Variants in ENC1 observed in about 807,000 individuals in gnomAD.
ENC1 encodes ectodermal-neural cortex 1.
In ENC1, 19 loss-of-function variants were observed where a neutral mutation model predicts 40.9. The ratio of observed to expected loss-of-function variants is 0.46; its 90% CI spans 0.32 to 0.68. The LOEUF (loss-of-function observed/expected upper bound fraction) is 0.68, where lower values mean the gene tolerates loss of function less well. ENC1 is among the 30% of genes least tolerant of loss of function. The probability of loss-of-function intolerance (pLI) is 0.03; values close to 1 mark genes in which losing one functional copy is unlikely to be tolerated. For synonymous variants in ENC1, 285 were observed against 291.1 expected (o/e 0.98, Z 0.21); for missense variants, 479 against 737.5 (o/e 0.65, Z 4.06).
Position 74,636,401 on chromosome 5 carries a change from C to T in ENC1, c.85G>A (p.Ala29Thr), listed in dbSNP as rs1580349443. 6.2e-7 allele frequency: 1 copy of T among 1,614,148 alleles called. No homozygotes were observed. Among genetic ancestry groups the T allele is most frequent in the Non-Finnish European group, 8.5e-7 (1 of 1,180,012 alleles). The change falls in exon 2 of 3, where the codon GCT becomes ACT. Residue 29 changes from alanine (A) to threonine (T), a missense_variant. By Grantham distance (58) the Ala-to-Thr change is moderately conservative. Transcript: ENST00000302351. The surrounding 1 kb of genome is among the most constrained non-coding windows in gnomAD (Gnocchi z 4.8). The stretch of plus-strand genomic sequence containing the variant: ...TTCAGGTGAGTGAGGACGCTGTCAG[C>T]GTAGGAGGACTTGTGAAACAGATAG... ...NIYLFHKSSYADSVLTHLNLL... is the reference protein window; with the variant it reads ...NIYLFHKSSYTDSVLTHLNLL...
At position 74,634,770 on chromosome 5, in the gene ENC1, C is replaced by T. The variant is rs777609813; in HGVS notation, c.1716G>A (p.Pro572=). The T allele has an allele frequency of 2.0e-5, 32 of 1,613,846 alleles. No homozygotes were observed. The highest frequency in any genetic ancestry group is 2.7e-5 in the African/African-American group (2 of 74,916). ...LDVWNSITTV[P]YSLIPTAFVS... ...CAAATGCAGTAGGAATCAGCGAGTA[C>T]GGGACAGTGGTGATGCTGTTCCACA... Residue 572 remains proline (P), a synonymous_variant, in exon 2 of 3, where the codon CCG becomes CCA. Transcript: ENST00000302351.
intron 2 of ENC1, among the ~76,000 whole-genome samples, chr5:74,631,349 G>A (rs1276664060): frequency 2.6e-5 from 4 of 152,128 alleles, no homozygotes; most frequent in African/African-American, 9.7e-5. Flanking sequence ...AACCTCCTAG[G>A]TGGATGAGCT....
rs769887752 is a variant in ENC1, at chr5:74,640,613, G to C, written c.-320C>G. 3.3e-5 allele frequency: 5 copies of C among 152,418 alleles called. No individual in the cohort carries two copies. The highest frequency in any genetic ancestry group is 7.3e-5 in the Non-Finnish European group (5 of 68,196). 9.4% of individuals were successfully genotyped at this position (152,418 alleles called of 1,614,324 possible). A position where few individuals can be genotyped will look rare whatever the true frequency, so the allele number is the denominator to read the frequency against. ...CGCCGCGGAAGGAGGCGGGCTGTGC[G>C]CTCGGGGGAGGGAGCTAGAAAGCGC... On this transcript the variant is annotated 5_prime_UTR_variant, in exon 1 of 3. Transcript: ENST00000302351.
chr5:74,638,779 T>A (rs1037072326), intron 1 of ENC1, among the ~76,000 whole-genome samples: 1 of 152,180 alleles, frequency 6.6e-6, no homozygotes, highest in African/African-American at 2.4e-5. Context: ...CTTACTCTTG[T>A]GAATCTGCCG....
chr5:74,637,978 A>G (rs776429923), intron 1 of ENC1, among the ~76,000 whole-genome samples: 7 of 152,170 alleles, frequency 4.6e-5, no homozygotes, highest in South Asian at 2.1e-4. Context: ...ACTGAATCAC[A>G]TGCCTTCATC....
intron 2 of ENC1, among the ~76,000 whole-genome samples, chr5:74,634,403 C>G (rs922809099): frequency 6.6e-6 from 1 of 151,950 alleles, no homozygotes; most frequent in Non-Finnish European, 1.5e-5. Context: ...CAGAGCGAGA[C>G]TCTGTCTCAA....
chr5:74,627,763 C>T lies in ENC1; in HGVS notation c.*2262G>A, dbSNP rs904445086. On this transcript the variant is annotated 3_prime_UTR_variant, in exon 3 of 3. Coordinates refer to ENST00000302351, the MANE Select transcript of ENC1 (RefSeq NM_003633.4). ...TCTTATGCCAAGGTTTTTGTGTGTA[C>T]TGTGCTGTGAATTGTATTTGCTTCA... 6.6e-6 allele frequency: 1 copy of T among 152,652 alleles called. No homozygotes were observed. The highest frequency in any genetic ancestry group is 1.5e-5 in the Non-Finnish European group (1 of 68,042). 9.5% of individuals were successfully genotyped at this position (152,652 alleles called of 1,614,324 possible).
In ENC1 at chr5:74,633,920, A is replaced by G. The variant is rs552553277; in HGVS notation, c.*32+764T>C. On this transcript the variant is annotated intron_variant, in intron 2 of 2. Transcript: ENST00000302351. ...GGGGTTGTTGTGAGGATAGAATGAG[A>G]TGATCCGTGGGAAACACGTGGCACC... 3.9e-5 allele frequency among the ~76,000 whole-genome samples: 6 copies of G among 152,330 alleles called. No individual in the cohort carries two copies. In the East Asian group the frequency reaches 7.7e-4, roughly 20 times the overall value.
chr5:74,639,691 T>C (rs369020647), intron 1 of ENC1, among the ~76,000 whole-genome samples: 25 of 152,034 alleles, frequency 1.6e-4, no homozygotes, highest in African/African-American at 6.0e-4. Context: ...TGGCCATGCC[T>C]GTGTGACACC....
chr5:74,633,803 T>C (rs1747473688), intron 2 of ENC1, among the ~76,000 whole-genome samples: 1 of 152,212 alleles, frequency 6.6e-6, no homozygotes, highest in Admixed American at 6.5e-5. Flanking sequence ...CAGCTCCACC[T>C]CTTACTAAGC....
chr5:74,636,592 C>T lies in ENC1; in HGVS notation c.-13-94G>A, dbSNP rs1051066489. 8 of 736,910 alleles carry T rather than the reference C, an allele frequency of 1.1e-5. No homozygotes were observed. The African/African-American group carries it at 1.2e-4, about 11-fold the overall frequency. The allele number at this position is 736,910 out of a possible 1,614,324, so 45.6% of individuals were successfully genotyped here. ...CAATGGTTTTGCACAAAAAACAGAA[C>T]ACTTTGTTGTTGACCATGCCACCTA... On this transcript the variant is annotated intron_variant, in intron 1 of 2. Transcript: ENST00000302351. This position sits in a 1 kb window ranked among gnomAD's most constrained non-coding sequence, Gnocchi z 4.8.
At chr5:74,632,766 C>T (rs556039641) in intron 2 of ENC1, among the ~76,000 whole-genome samples, 18 of 152,142 alleles carry the variant, frequency 1.2e-4, no homozygotes, top group African/African-American at 4.3e-4. Flanking sequence ...CAGGAGAATC[C>T]CTTGAACCCA....
rs1747313647 is a variant in ENC1 at position 74,629,387 on chromosome 5, A to T, written c.*638T>A. On this transcript the variant is annotated 3_prime_UTR_variant, in exon 3 of 3. Transcript: ENST00000302351. ...ATCTATAACAAACTTCTTAACAGCC[A>T]AGGGAAAGTTTAAAGTCACTTATAA... 6.6e-6 allele frequency: 1 copy of T among 152,244 alleles called. No homozygotes were observed. Among genetic ancestry groups the T allele is most frequent in the Admixed American group, 6.5e-5 (1 of 15,284 alleles). The allele number at this position is 152,244 out of a possible 1,614,324, so 9.4% of individuals were successfully genotyped here.
chr5:74,630,104 ACTTGG>A (rs1170740025), intron 2 of ENC1, 112 bp from the exon 3 acceptor site: 5 of 152,096 alleles, frequency 3.3e-5, no homozygotes, highest in Non-Finnish European at 7.4e-5. Context: ...TTTAAATTAA[ACTTGG>A]TATGGAGCTG....
chr5:74,638,585 A>T (rs1747698283), intron 1 of ENC1, among the ~76,000 whole-genome samples: 2 of 152,198 alleles, frequency 1.3e-5, no homozygotes, highest in African/African-American at 4.8e-5. Flanking sequence ...ACTCCATTCT[A>T]ACCAATGCCC....
At chr5:74,632,704 A>G (rs1580346421) in intron 2 of ENC1, among the ~76,000 whole-genome samples, 1 of 152,146 alleles carries the variant, frequency 6.6e-6, no homozygotes, top group African/African-American at 2.4e-5. Flanking sequence ...AAATACAAAA[A>G]AGCCCGACGT....
At chr5:74,634,578 A>G (rs1247888342) in intron 2 of ENC1, 106 bp downstream of exon 2, 1 of 633,540 alleles carries the variant, frequency 1.6e-6, no homozygotes, top group African/African-American at 1.8e-5. Context: ...CAGCTTTGGT[A>G]GTACTTCTGC....
rs951080174 is a variant in ENC1 at position 74,629,090 on chromosome 5, C to A, written c.*935G>T. ...TAAAAGTTGGTGAGTCTGAGAAAAG[C>A]GATCTCCACGGTTTCTCTACCTCTA... is the stretch of plus-strand genomic sequence containing the variant. On this transcript the variant is annotated 3_prime_UTR_variant, in exon 3 of 3. Transcript: ENST00000302351. 2.6e-5 allele frequency: 4 copies of A among 151,892 alleles called. No individual in the cohort carries two copies. Among genetic ancestry groups the A allele is most frequent in the African/African-American group, 9.7e-5 (4 of 41,310 alleles). 9.4% of individuals were successfully genotyped at this position (151,892 alleles called of 1,614,324 possible).
rs138136219 is a variant in ENC1 at position 74,635,994 on chromosome 5, C to T, written c.492G>A (p.Leu164=). The T allele has an allele frequency of 9.6e-5, 155 of 1,614,160 alleles. No homozygotes were observed. In the African/African-American group the frequency reaches 1.9e-3, roughly 19 times the overall value. ...LLSDAHQCTK[L]YELSWRMCLS... ...GACACATTCTCCAAGATAGTTCGTA[C>T]AGCTTGGTGCACTGGTGTGCATCAG... is the stretch of plus-strand genomic sequence containing the variant. The change falls in exon 2 of 3, where the codon CTG becomes CTA. Residue 164 remains leucine, a synonymous_variant. Coordinates refer to ENST00000302351, the MANE Select transcript of ENC1 (RefSeq NM_003633.4). The surrounding 1 kb of genome is among the most constrained non-coding windows in gnomAD (Gnocchi z 5.5).
Sources: allele counts gnomAD v4.1 joint callset (sites outside exome capture counted in the v4.1 genomes callset), GRCh38; gene constraint gnomAD v4.1.1; non-coding constraint Gnocchi (gnomAD v3.1); transcripts MANE v1.5; gene names NCBI Gene and HGNC (gene_info 2026-07-23, HGNC 2026-07-21).